The following TUB variants were observed in gnomAD, a reference collection of about 807,000 sequenced individuals.
TUB encodes the protein TUB bipartite transcription factor, also known as tubby protein homolog.
A neutral mutation model predicts 59.7 loss-of-function variants in TUB; 33 were observed. The observed-to-expected ratio is 0.55, with a 90% CI of 0.42 to 0.74. The LOEUF (loss-of-function observed/expected upper bound fraction) is 0.74. Ranked by LOEUF, TUB falls within the 30% of genes least tolerant of loss-of-function variation. The pLI is 0.00. For missense variants in TUB, 659 were observed against 672.0 expected, an observed-to-expected ratio of 0.98 and a Z score of 0.21; for synonymous variants, 293 against 256.4, an observed-to-expected ratio of 1.14 and a Z score of -1.36.
At chr11:8,047,692 G>A (rs1942857798) in intron 2 of TUB, among the ~76,000 whole-genome samples, 1 of 152,170 alleles carries the variant, frequency 6.6e-6, no homozygotes, top group South Asian at 2.1e-4. Flanking sequence ...TGCCATTGCT[G>A]CATTTATACC....
intron 2 of TUB, among the ~76,000 whole-genome samples, chr11:8,057,707 G>A (rs1325609893): frequency 6.6e-6 from 1 of 152,022 alleles, no homozygotes; most frequent in Non-Finnish European, 1.5e-5. Flanking sequence ...GTGGAGGCCT[G>A]GGGAGTTTCT....
chr11:8,086,258 G>T (rs114121057), intron 1 of TUB, among the ~76,000 whole-genome samples: 5 of 152,174 alleles, frequency 3.3e-5, no homozygotes, highest in Admixed American at 2.0e-4. Context: ...TGTGGTTATC[G>T]TTTAGGTCAG....
chr11:8,067,540 T>A (rs1472772665), intron 2 of TUB: 6 of 152,184 alleles, frequency 3.9e-5, no homozygotes, highest in African/African-American at 1.4e-4. Context: ...ATACTTAGAG[T>A]GAATGACAGG....
chr11:8,019,558 C>T (rs1360276961), intron 1 of TUB, among the ~76,000 whole-genome samples: 1 of 152,118 alleles, frequency 6.6e-6, no homozygotes, highest in Non-Finnish European at 1.5e-5. Flanking sequence ...TGTCCCCACA[C>T]CCACGGGGCA....
rs1289869917 is a variant in TUB at position 8,101,743 on chromosome 11, G to A, written c.*124G>A. 2 of 1,448,794 alleles carry A rather than the reference G, an allele frequency of 1.4e-6. No individual in the cohort carries two copies. The highest frequency in any genetic ancestry group is 1.5e-5 in the South Asian group (1 of 68,858). The allele number at this position is 1,448,794 out of a possible 1,614,324, so 89.7% of individuals were successfully genotyped here. ...GCCAGATGAAGCTTTGGCCCTCAGT[G>A]GGCTCCCTGGCCCAGCCAGCCAGGA... On this transcript the variant is annotated 3_prime_UTR_variant, in exon 12 of 12. Transcript: ENST00000299506.
At chr11:8,096,916 G>A (rs1360293774) in intron 6 of TUB, 110 bp downstream of exon 6, 2 of 1,277,240 alleles carry the variant, frequency 1.6e-6, no homozygotes, top group Non-Finnish European at 2.2e-6. Flanking sequence ...CTTCTCTGCT[G>A]GCCTCTTATG....
chr11:8,095,516 C>T lies in TUB; in HGVS notation c.416C>T (p.Ala139Val). 1 of 1,611,144 alleles carries T rather than the reference C, an allele frequency of 6.2e-7. No individual in the cohort carries two copies. Among genetic ancestry groups the T allele is most frequent in the Non-Finnish European group, 8.5e-7 (1 of 1,178,720 alleles). The change falls in exon 5 of 12, where the codon GCA becomes GTA. Residue 139 changes from alanine to valine, a missense_variant. Ala to Val is a moderately conservative substitution (Grantham distance 64). Around this residue, in one of 3 missense-constraint regions of TUB, gnomAD observed 321 missense variants for 304.3 expected, o/e 1.05. Coordinates refer to ENST00000299506, the MANE Select transcript of TUB (RefSeq NM_177972.3). ...GKHKGTSGPA[A>V]LAEDKSEAQG... ...CCTGCAGGCACCAGCGGGCCAGCAG[C>T]ACTGGCAGAAGACAAGTCTGAGGCC...
intron 1 of TUB, among the ~76,000 whole-genome samples, chr11:8,033,248 C>A (rs552869566): frequency 6.6e-6 from 1 of 152,306 alleles, no homozygotes; most frequent in East Asian, 1.9e-4. Context: ...CCCTTTTGTA[C>A]GTCTGAGTTC....
At chr11:8,053,695 G>T (rs1198478089) in intron 2 of TUB, among the ~76,000 whole-genome samples, 1 of 151,222 alleles carries the variant, frequency 6.6e-6, no homozygotes, top group Non-Finnish European at 1.5e-5. Flanking sequence ...TAGAGACGGG[G>T]TTTCACCGTG....
upstream of TUB, among the ~76,000 whole-genome samples, chr11:8,034,963 G>A (rs1047114635): frequency 6.6e-6 from 1 of 152,162 alleles, no homozygotes; most frequent in Admixed American, 6.5e-5. Context: ...ATCTGTGAAG[G>A]GGACAGATGG....
intron 1 of TUB, among the ~76,000 whole-genome samples, chr11:8,022,265 A>G (rs961634590): frequency 6.6e-6 from 1 of 152,248 alleles, no homozygotes; most frequent in Non-Finnish European, 1.5e-5. Flanking sequence ...ACAATACTCA[A>G]TCAAGCTGTT....
rs1046028806 is a variant in TUB, at chr11:8,100,681, ATG to A, written c.1215+86_1215+87del. 73 of 1,504,110 alleles carry A rather than the reference ATG, an allele frequency of 4.9e-5. No homozygotes were observed. In the African/African-American group the frequency reaches 9.0e-4, roughly 19 times the overall value. The allele number at this position is 1,504,110 out of a possible 1,614,324, so 93.2% of individuals were successfully genotyped here. On this transcript the variant is annotated intron_variant, in intron 10 of 11. Coordinates refer to ENST00000299506, the MANE Select transcript of TUB (RefSeq NM_177972.3). Reference sequence around the variant, plus strand: ...GCTTCTAAGGGCAGAACTCCAGCTGATGTGTGTATGTGGAGGGGTACCATGTG... The same window carrying A: ...GCTTCTAAGGGCAGAACTCCAGCTGATGTGTATGTGGAGGGGTACCATGTG...
chr11:8,026,047 T>A (rs1291723235), intron 1 of TUB, among the ~76,000 whole-genome samples: 3 of 152,264 alleles, frequency 2.0e-5, no homozygotes, highest in South Asian at 4.1e-4. Flanking sequence ...TCATTTTGCA[T>A]TGCCTTGATG....
At chr11:8,069,450 A>G (rs1943317664) in intron 2 of TUB, 1 of 149,786 alleles carries the variant, frequency 6.7e-6, no homozygotes, top group African/African-American at 2.5e-5. Context: ...TTAAGTTCTT[A>G]GAGTAGATTT....
At chr11:8,056,816 A>G (rs1348621694) in intron 2 of TUB, among the ~76,000 whole-genome samples, 1 of 151,932 alleles carries the variant, frequency 6.6e-6, no homozygotes, top group East Asian at 1.9e-4. Flanking sequence ...GTGTGCAGGC[A>G]TGTCCCCAAA....
chr11:8,030,108 A>G (rs931975055), intron 1 of TUB, among the ~76,000 whole-genome samples: 5 of 152,136 alleles, frequency 3.3e-5, no homozygotes, highest in Non-Finnish European at 7.4e-5. Context: ...GGAGTCGGGT[A>G]TGGAGGTGGG....
intron 2 of TUB, among the ~76,000 whole-genome samples, chr11:8,046,888 C>T (rs1353481015): frequency 6.6e-6 from 1 of 152,170 alleles, no homozygotes; most frequent in African/African-American, 2.4e-5. Flanking sequence ...ACATAAAATA[C>T]ACTAGCACTA....
In TUB at chr11:8,101,706, T is replaced by G. The variant is rs1944315517; in HGVS notation, c.*87T>G. On this transcript the variant is annotated 3_prime_UTR_variant, in exon 12 of 12. Transcript: ENST00000299506. ...GAGACAGCCCTGCCTATCCTCTGTA[T>G]ATAGGCCTTCCGCCAGATGAAGCTT... The G allele has an allele frequency of 6.6e-7, 1 of 1,519,424 alleles. No individual in the cohort carries two copies. The highest frequency in any genetic ancestry group is 2.1e-5 in the Admixed American group (1 of 48,036). 94.1% of individuals were successfully genotyped at this position (1,519,424 alleles called of 1,614,324 possible).
chr11:8,074,034 T>C (rs1054242839), intron 2 of TUB, among the ~76,000 whole-genome samples: 10 of 152,182 alleles, frequency 6.6e-5, no homozygotes, highest in African/African-American at 2.4e-4. Flanking sequence ...CACACCATAT[T>C]ACACTAGGCA....
Sources: gnomAD v4.1 joint callset for allele counts (sites outside exome capture counted in the v4.1 genomes callset) on GRCh38, gnomAD v4.1.1 for gene constraint, gnomAD v4.1.1 regional missense constraint, MANE v1.5 for transcripts, NCBI Gene and HGNC (gene_info 2026-07-23, HGNC 2026-07-21) for gene names.